C12orf42: variants seen among roughly 807,000 people sequenced by gnomAD.
The protein encoded by C12orf42 is uncharacterized protein C12orf42.
In C12orf42, 25 loss-of-function variants were observed where a neutral mutation model predicts 21.6. That is an observed-to-expected ratio of 1.16 (90% CI 0.84 to 1.62). C12orf42 has a LOEUF of 1.62. Ranked by LOEUF, C12orf42 falls within the 40% of genes most tolerant of loss-of-function variation. The pLI is 0.00. For missense variants in C12orf42, 483 were observed against 459.3 expected (o/e 1.05, Z -0.47); for synonymous variants, 174 against 175.0 (o/e 0.99, Z 0.05).
At chr12:103,448,600 C>T (rs373383276) in intron 2 of C12orf42, among the ~76,000 whole-genome samples, 22 of 151,416 alleles carry the variant, frequency 1.5e-4, no homozygotes, top group East Asian at 9.7e-4. Context: ...CAAGAAAACA[C>T]GATCTCATCA....
chr12:103,521,927 G>T, the C12orf42 span, among the ~76,000 whole-genome samples: 1 of 152,210 alleles, frequency 6.6e-6, no homozygotes, highest in African/African-American at 2.4e-5. Context: ...TAACAGCACA[G>T]AGTGGTGCTC....
At chr12:103,365,840 T>C (rs894481250) in intron 4 of C12orf42, among the ~76,000 whole-genome samples, 2 of 151,982 alleles carry the variant, frequency 1.3e-5, no homozygotes, top group African/African-American at 4.8e-5. Flanking sequence ...CATAAACAAA[T>C]GGAAACACAT....
At chr12:103,465,199 C>G (rs1384772229) in intron 2 of C12orf42, among the ~76,000 whole-genome samples, 1 of 152,100 alleles carries the variant, frequency 6.6e-6, no homozygotes, top group Non-Finnish European at 1.5e-5. Flanking sequence ...AGTAGTATGG[C>G]CATTTTCAAG....
intron 10 of C12orf42, among the ~76,000 whole-genome samples, chr12:103,257,620 G>GC (rs1182524360): frequency 9.3e-6 from 1 of 107,536 alleles, no homozygotes; most frequent in African/African-American, 6.5e-5. Flanking sequence ...GATACAGTGT[G>GC]GAAAACACAT....
At position 103,329,561 on chromosome 12, in the gene C12orf42, A is replaced by T. The variant is rs186500742; in HGVS notation, c.260-23216T>A. Among the ~76,000 whole-genome samples the T allele has an allele frequency of 7.5e-3, 1,139 of 152,146 alleles. 7 individuals are homozygous for T. The highest frequency in any genetic ancestry group is 0.026 in the African/African-American group (1,076 of 41,490). On this transcript the variant is annotated intron_variant, in intron 4 of 5. Transcript: ENST00000548883. ...TTAAAGTAAAATAAAAATTAAAATT[A>T]AAAAAAGAATTAAAAATCTCACTTG...
chr12:103,413,120 G>C (rs563876991), intron 2 of C12orf42, among the ~76,000 whole-genome samples: 1 of 152,258 alleles, frequency 6.6e-6, no homozygotes, highest in Admixed American at 6.5e-5. Flanking sequence ...GATCCATTTT[G>C]AGTTAATTTT....
chr12:103,287,721 C>G (rs1283874524), intron 4 of C12orf42, among the ~76,000 whole-genome samples: 2 of 144,854 alleles, frequency 1.4e-5, no homozygotes, highest in Admixed American at 6.9e-5. Flanking sequence ...AAAAAAAAAA[C>G]AAAAAAAAGT....
At chr12:103,353,029 T>G (rs1405917301) in intron 4 of C12orf42, among the ~76,000 whole-genome samples, 1 of 152,264 alleles carries the variant, frequency 6.6e-6, no homozygotes, top group Admixed American at 6.5e-5. Context: ...CTAATCACCA[T>G]GTACTAAATG....
chr12:103,398,017 T>C (rs905917586), intron 3 of C12orf42, among the ~76,000 whole-genome samples: 1 of 152,098 alleles, frequency 6.6e-6, no homozygotes, highest in Non-Finnish European at 1.5e-5. Flanking sequence ...TTAAACAGAA[T>C]ATCACATATG....
intron 4 of C12orf42, among the ~76,000 whole-genome samples, chr12:103,292,658 T>C (rs2036897693): frequency 6.6e-6 from 1 of 152,112 alleles, no homozygotes; most frequent in African/African-American, 2.4e-5. Context: ...TGAATTATTA[T>C]GTATAGCTTT....
the C12orf42 span, among the ~76,000 whole-genome samples, chr12:103,174,214 C>A: frequency 6.6e-6 from 1 of 151,732 alleles, no homozygotes; most frequent in Non-Finnish European, 1.5e-5. Flanking sequence ...TGAAGGAATT[C>A]AGAAATTAAA....
the C12orf42 span, among the ~76,000 whole-genome samples, chr12:103,104,604 C>T: frequency 6.6e-6 from 1 of 152,192 alleles, no homozygotes; most frequent in African/African-American, 2.4e-5. Flanking sequence ...CCATGCCCAG[C>T]TAATTTTTTG....
chr12:103,465,856 A>G (rs1373000896), intron 2 of C12orf42, among the ~76,000 whole-genome samples: 1 of 152,158 alleles, frequency 6.6e-6, no homozygotes, highest in Non-Finnish European at 1.5e-5. Flanking sequence ...TGAGATAATC[A>G]TGTGGTTTTT....
chr12:103,245,161 T>A, intron 10 of C12orf42, among the ~76,000 whole-genome samples: 1 of 152,096 alleles, frequency 6.6e-6, no homozygotes, highest in Middle Eastern at 3.2e-3. Context: ...GTGTGACAGG[T>A]AACTAATACT....
downstream of C12orf42, among the ~76,000 whole-genome samples, chr12:103,237,289 T>A (rs994183666): frequency 6.6e-6 from 1 of 152,146 alleles, no homozygotes; most frequent in African/African-American, 2.4e-5. Flanking sequence ...GTTGGGGAGA[T>A]GCTGGGATTG....
At chr12:103,224,187 T>G in the C12orf42 span, among the ~76,000 whole-genome samples, 1 of 152,186 alleles carries the variant, frequency 6.6e-6, no homozygotes, top group African/African-American at 2.4e-5. Flanking sequence ...TCACGTTGAG[T>G]AAAGCTAATT....
chr12:103,278,758 T>A (rs1403606410), intron 4 of C12orf42, among the ~76,000 whole-genome samples: 1 of 152,264 alleles, frequency 6.6e-6, no homozygotes, highest in African/African-American at 2.4e-5. Flanking sequence ...ATTTTTGGCC[T>A]GTTCCTTCCA....
chr12:103,402,968 C>T (rs1407099770), intron 2 of C12orf42, among the ~76,000 whole-genome samples: 1 of 152,174 alleles, frequency 6.6e-6, no homozygotes, highest in Non-Finnish European at 1.5e-5. Context: ...ACAGGTGGGG[C>T]ACATGGGACC....
chr12:103,416,362 C>G (rs1000714742), intron 2 of C12orf42, among the ~76,000 whole-genome samples: 2 of 151,954 alleles, frequency 1.3e-5, no homozygotes, highest in Non-Finnish European at 2.9e-5. Context: ...GTGAGTGGCC[C>G]ACTGCACTGG....
Sources: allele counts gnomAD v4.1 joint callset (sites outside exome capture counted in the v4.1 genomes callset), GRCh38; gene constraint gnomAD v4.1.1; transcripts MANE v1.5; gene names NCBI Gene and HGNC (gene_info 2026-07-23, HGNC 2026-07-21).